Variants in TLK1 observed in about 807,000 individuals in gnomAD.
TLK1 encodes tousled like kinase 1.
TLK1 carries 24 observed loss-of-function variants against 105.3 expected under a neutral mutation model. The observed-to-expected ratio is 0.23, with a 90% CI of 0.17 to 0.32. The LOEUF (loss-of-function observed/expected upper bound fraction) is 0.32. Ranked by LOEUF, TLK1 falls within the 10% of genes least tolerant of loss-of-function variation. The probability of loss-of-function intolerance (pLI) is 1.00; values close to 1 mark genes in which losing one functional copy is unlikely to be tolerated. For synonymous variants in TLK1, 321 were observed against 310.4 expected, an observed-to-expected ratio of 1.03 and a Z score of -0.36; for missense variants, 558 against 910.5, an observed-to-expected ratio of 0.61 and a Z score of 4.98.
intron 1 of TLK1, among the ~76,000 whole-genome samples, chr2:171,171,640 A>G (rs1342370775): frequency 1.3e-5 from 2 of 152,262 alleles, no homozygotes; most frequent in Non-Finnish European, 2.9e-5. Context: ...GATAGATAAT[A>G]TAGTAGAAAC....
At chr2:171,149,197 C>T (rs910793570) in intron 1 of TLK1, among the ~76,000 whole-genome samples, 59 of 146,774 alleles carry the variant, frequency 4.0e-4, no homozygotes, top group Non-Finnish European at 1.2e-4. Context: ...AGAGCAAGAC[C>T]CTGTCTCTAA....
intron 1 of TLK1, among the ~76,000 whole-genome samples, chr2:171,176,840 AT>A (rs1220619302): frequency 3.4e-4 from 49 of 144,006 alleles, no homozygotes; most frequent in East Asian, 6.0e-4. Context: ...TTTTTTTTTA[AT>A]TTTTTTTTTT....
intron 11 of TLK1, among the ~76,000 whole-genome samples, chr2:171,045,037 A>C (rs1311452036): frequency 1.3e-5 from 2 of 151,992 alleles, no homozygotes; most frequent in African/African-American, 4.8e-5. Flanking sequence ...TAATTGAGGG[A>C]GAGTTTTTTA....
In TLK1 at chr2:170,992,941, T is replaced by TG. The variant is rs1683847111; in HGVS notation, c.*838dup. ...AATTTATCATTATCCTGCATAGAACTGGTCTGCATTTGGTTACTCACTGTC... is the reference window on the plus strand; with the variant it reads ...AATTTATCATTATCCTGCATAGAACTGGGTCTGCATTTGGTTACTCACTGTC... On this transcript the variant is annotated 3_prime_UTR_variant, in exon 21 of 21. Coordinates refer to ENST00000431350, the MANE Select transcript of TLK1 (RefSeq NM_012290.5). 1 of 152,666 alleles carries TG rather than the reference T, an allele frequency of 6.6e-6. No individual in the cohort carries two copies. The highest frequency in any genetic ancestry group is 1.5e-5 in the Non-Finnish European group (1 of 68,028). 9.5% of individuals were successfully genotyped at this position (152,666 alleles called of 1,614,324 possible). A position where few individuals can be genotyped will look rare whatever the true frequency, so the allele number is the denominator to read the frequency against.
intron 18 of TLK1, among the ~76,000 whole-genome samples, chr2:171,005,044 G>A (rs1684582755): frequency 6.6e-6 from 1 of 152,310 alleles, no homozygotes; most frequent in Non-Finnish European, 1.5e-5. Context: ...GTTATGATGT[G>A]CTCAGTTTGT....
Position 171,017,620 on chromosome 2 carries a change from TAAAG to T in TLK1, c.1237-2676_1237-2673del, listed in dbSNP as rs555650508. Among the ~76,000 whole-genome samples the T allele has an allele frequency of 4.6e-3, 697 of 152,306 alleles. 6 individuals are homozygous for T. Among genetic ancestry groups the T allele is most frequent in the African/African-American group, 0.015 (626 of 41,568 alleles). Reference sequence around the variant, plus strand: ...TCAATATTACAAAATAAATACTTGTTAAAGAAAGTAAAATATGTATCAGCAAATT... The same window carrying T: ...TCAATATTACAAAATAAATACTTGTTAAAGTAAAATATGTATCAGCAAATT... On this transcript the variant is annotated intron_variant, in intron 12 of 20. Transcript: ENST00000431350.
At chr2:171,179,588 A>G (rs1314946249) in intron 1 of TLK1, among the ~76,000 whole-genome samples, 1 of 152,226 alleles carries the variant, frequency 6.6e-6, no homozygotes, top group Non-Finnish European at 1.5e-5. Flanking sequence ...TTTTGGTCTG[A>G]CAATCAAGCA....
chr2:171,064,341 T>A (rs564955858), intron 3 of TLK1, among the ~76,000 whole-genome samples: 3 of 152,178 alleles, frequency 2.0e-5, no homozygotes, highest in South Asian at 2.1e-4. Flanking sequence ...TCTCCTATTT[T>A]AATATTGAGA....
chr2:171,019,598 C>CA (rs1223573949), intron 12 of TLK1, among the ~76,000 whole-genome samples: 1 of 152,142 alleles, frequency 6.6e-6, no homozygotes, highest in Admixed American at 6.5e-5. Context: ...TCAAAAAACT[C>CA]AATTTCTAAG....
At chr2:171,027,302 C>T (rs1408166954) in intron 12 of TLK1, among the ~76,000 whole-genome samples, 1 of 151,670 alleles carries the variant, frequency 6.6e-6, no homozygotes, top group Non-Finnish European at 1.5e-5. Flanking sequence ...GCAGAAAGCA[C>T]AAAAAATTGG....
At chr2:171,202,718 C>T (rs574439025) in intron 1 of TLK1, among the ~76,000 whole-genome samples, 3 of 152,278 alleles carry the variant, frequency 2.0e-5, no homozygotes, top group Admixed American at 2.0e-4. Flanking sequence ...GATTGCACCA[C>T]TGCACTCCAG....
intron 11 of TLK1, 105 bp downstream of exon 11, chr2:171,046,069 A>T: frequency 9.8e-7 from 1 of 1,023,846 alleles, no homozygotes; most frequent in Non-Finnish European, 1.4e-6. Context: ...TCCTGGTCTT[A>T]ATCATTTTTG....
At position 171,096,548 on chromosome 2, in the gene TLK1, G is replaced by A. The variant is rs112097196; in HGVS notation, c.259-13696C>T. ...AAGGCAGGTGGATCATTTGAGGCCA[G>A]GAGTTCCAGACCAGCCTGGCCAACA... is the stretch of plus-strand genomic sequence containing the variant. On this transcript the variant is annotated intron_variant, in intron 2 of 20. Transcript: ENST00000431350. 3.6e-3 allele frequency among the ~76,000 whole-genome samples: 546 copies of A among 152,206 alleles called. 6 individuals are homozygous for A. The highest frequency in any genetic ancestry group is 0.012 in the African/African-American group (505 of 41,544).
chr2:171,014,379 T>C (rs1685072438), intron 13 of TLK1, among the ~76,000 whole-genome samples: 1 of 152,030 alleles, frequency 6.6e-6, no homozygotes, highest in Non-Finnish European at 1.5e-5. Flanking sequence ...TTTTTTTTTT[T>C]TAAAGAAATG....
At chr2:171,010,360 G>A (rs1226938758) in intron 14 of TLK1, among the ~76,000 whole-genome samples, 1 of 152,138 alleles carries the variant, frequency 6.6e-6, no homozygotes, top group East Asian at 1.9e-4. Context: ...ACATTTTAGA[G>A]GAGAGGAAGA....
intron 13 of TLK1, among the ~76,000 whole-genome samples, 165 bp downstream of exon 13, chr2:171,014,686 T>C (rs1685089004): frequency 6.6e-6 from 1 of 151,918 alleles, no homozygotes; most frequent in South Asian, 2.1e-4. Context: ...GACAGTAAGG[T>C]GGCCAGGGAC....
chr2:171,019,966 G>A (rs773244951), intron 12 of TLK1, among the ~76,000 whole-genome samples: 21 of 151,540 alleles, frequency 1.4e-4, no homozygotes, highest in Non-Finnish European at 2.1e-4. Context: ...GATGAGGCAC[G>A]AGAATCACTT....
At chr2:171,060,398 T>C (rs1333930260) in intron 4 of TLK1, among the ~76,000 whole-genome samples, 1 of 152,184 alleles carries the variant, frequency 6.6e-6, no homozygotes. Flanking sequence ...TAAAGACAGT[T>C]GCTGCAAATA....
chr2:171,119,694 T>C (rs1462767481), intron 1 of TLK1, among the ~76,000 whole-genome samples: 1 of 152,200 alleles, frequency 6.6e-6, no homozygotes, highest in Non-Finnish European at 1.5e-5. Flanking sequence ...TGATTTTCAG[T>C]AAGAACACCA....
Sources: gnomAD v4.1 joint callset for allele counts (sites outside exome capture counted in the v4.1 genomes callset) on GRCh38, gnomAD v4.1.1 for gene constraint, MANE v1.5 for transcripts, NCBI Gene and HGNC (gene_info 2026-07-23, HGNC 2026-07-21) for gene names.